Variants in AP5S1 observed in about 807,000 individuals in gnomAD.
The protein encoded by AP5S1 is adaptor related protein complex 5 subunit sigma 1.
In AP5S1, 13 loss-of-function variants were observed where a neutral mutation model predicts 13.9. The ratio of observed to expected loss-of-function variants is 0.94; its 90% confidence interval spans 0.61 to 1.49. The LOEUF is 1.49. Among genes scored for constraint, AP5S1 ranks in the 40% most tolerant of loss-of-function variants. The pLI is 0.00. For synonymous variants in AP5S1, 132 were observed against 121.8 expected (o/e 1.08, Z -0.55); for missense variants, 292 against 272.3 (o/e 1.07, Z -0.51).
In AP5S1 at chr20:3,826,854, C is replaced by G. The variant is rs953172314; in HGVS notation, c.*2557C>G. 2 of 152,248 alleles carry G rather than the reference C, an allele frequency of 1.3e-5. No homozygotes were observed. The highest frequency in any genetic ancestry group is 2.9e-5 in the Non-Finnish European group (2 of 68,098). 9.4% of individuals were successfully genotyped at this position (152,248 alleles called of 1,614,324 possible). On this transcript the variant is annotated 3_prime_UTR_variant, in exon 3 of 3. Transcript: ENST00000615891. Reference sequence around the variant, plus strand: ...GTGCAATGCAGGATACAGAATGACCCCAAAGTTCCAGGAGAGACAGAGCTA... The same window carrying G: ...GTGCAATGCAGGATACAGAATGACCGCAAAGTTCCAGGAGAGACAGAGCTA...
Position 3,823,379 on chromosome 20 carries a change from G to A in AP5S1, c.177-492G>A, listed in dbSNP as rs187543831. Among the ~76,000 whole-genome samples the A allele has an allele frequency of 3.0e-4, 46 of 152,276 alleles. 1 individual carries two copies. The East Asian group carries it at 8.9e-3, about 29-fold the overall frequency. On this transcript the variant is annotated intron_variant, in intron 2 of 2. Transcript: ENST00000615891. ...TTCTCCTGCCTCAGCCTCCCGAGTA[G>A]CTGGGACTACAGGCGCCCGCCACCA... is the stretch of plus-strand genomic sequence containing the variant.
intron 2 of AP5S1, among the ~76,000 whole-genome samples, chr20:3,823,104 G>C (rs572859882): frequency 1.2e-4 from 19 of 152,328 alleles, no homozygotes; most frequent in Non-Finnish European, 2.1e-4. Context: ...GCTCAGACTG[G>C]AAGGTGATTC....
Position 3,825,297 on chromosome 20 carries a change from A to AT in AP5S1, c.*1004dup, listed in dbSNP as rs1314065773. 1.3e-5 allele frequency: 2 copies of AT among 152,194 alleles called. No homozygotes were observed. Among genetic ancestry groups the AT allele is most frequent in the Non-Finnish European group, 2.9e-5 (2 of 68,060 alleles). The allele number at this position is 152,194 out of a possible 1,614,324, so 9.4% of individuals were successfully genotyped here. On this transcript the variant is annotated 3_prime_UTR_variant, in exon 3 of 3. Transcript: ENST00000615891. ...TTGAATTAAAAGCACTGGCTGTGTG[A>AT]TTTTACCCTCTTTCTGTGAGTTTGA...
At position 3,828,457 on chromosome 20, in the gene AP5S1, A is replaced by G. The variant is rs1383651057; in HGVS notation, c.*4160A>G. 2 of 152,222 alleles carry G rather than the reference A, an allele frequency of 1.3e-5. No homozygotes were observed. The highest frequency in any genetic ancestry group is 2.4e-5 in the African/African-American group (1 of 41,456). 9.4% of individuals were successfully genotyped at this position (152,222 alleles called of 1,614,324 possible). On this transcript the variant is annotated 3_prime_UTR_variant, in exon 3 of 3. Transcript: ENST00000615891. ...TAGGTTTGGATGTATTTTCAGTGAC[A>G]TGCATCTACCATTATAGTATCATAC...
chr20:3,823,715 G>A (rs747823743), intron 2 of AP5S1, 156 bp from the exon 3 acceptor site: 8 of 985,280 alleles, frequency 8.1e-6, no homozygotes, highest in Non-Finnish European at 9.6e-6. Context: ...CACACTTCCT[G>A]ATTCTGTGGC....
At position 3,827,838 on chromosome 20, in the gene AP5S1, T is replaced by G. The variant is rs1372220266; in HGVS notation, c.*3541T>G. 2 of 150,994 alleles carry G rather than the reference T, an allele frequency of 1.3e-5. No homozygotes were observed. Among genetic ancestry groups the G allele is most frequent in the Admixed American group, 6.6e-5 (1 of 15,112 alleles). The allele number at this position is 150,994 out of a possible 1,614,324, so 9.4% of individuals were successfully genotyped here. On this transcript the variant is annotated 3_prime_UTR_variant, in exon 3 of 3. Transcript: ENST00000615891. ...GTGCAGTGGTGCAATCTTGGCTCACTGCAACCTCTGCCTCCTGGGTTCAAG... is the reference window on the plus strand; with the variant it reads ...GTGCAGTGGTGCAATCTTGGCTCACGGCAACCTCTGCCTCCTGGGTTCAAG...
chr20:3,826,839 G>T lies in AP5S1; in HGVS notation c.*2542G>T. The stretch of plus-strand genomic sequence containing the variant: ...CTGATGCTCTGCTGGGTGCAATGCA[G>T]GATACAGAATGACCCCAAAGTTCCA... On this transcript the variant is annotated 3_prime_UTR_variant, in exon 3 of 3. Transcript: ENST00000615891. 6.6e-6 allele frequency: 1 copy of T among 152,396 alleles called. No homozygotes were observed. Among genetic ancestry groups the T allele is most frequent in the Non-Finnish European group, 1.5e-5 (1 of 68,098 alleles). The allele number at this position is 152,396 out of a possible 1,614,324, so 9.4% of individuals were successfully genotyped here.
rs370332217 is a variant in AP5S1 at position 3,827,987 on chromosome 20, C to T, written c.*3690C>T. The stretch of plus-strand genomic sequence containing the variant: ...GTGTTGGCCAGGCTGGTCTCGAACT[C>T]CTTACCTCAGGTGATCCACCCATAT... On this transcript the variant is annotated 3_prime_UTR_variant, in exon 3 of 3. Transcript: ENST00000615891. 1.3e-5 allele frequency: 2 copies of T among 152,064 alleles called. No individual in the cohort carries two copies. Among genetic ancestry groups the T allele is most frequent in the Non-Finnish European group, 2.9e-5 (2 of 68,042 alleles). 9.4% of individuals were successfully genotyped at this position (152,064 alleles called of 1,614,324 possible).
rs1349886191 is a variant in AP5S1 at position 3,824,608 on chromosome 20, C to CA, written c.*311_*312insA. On this transcript the variant is annotated 3_prime_UTR_variant, in exon 3 of 3. Transcript: ENST00000615891. ...CAGCCGATAGTGCTAGGGTGAGGAG[C>CA]TGCCTGGAGCTCACCCCGCTCTTCT... is the stretch of plus-strand genomic sequence containing the variant. 7 of 369,608 alleles carry CA rather than the reference C, an allele frequency of 1.9e-5. No individual in the cohort carries two copies. The highest frequency in any genetic ancestry group is 1.2e-4 in the African/African-American group (6 of 48,496). The allele number at this position is 369,608 out of a possible 1,614,324, so 22.9% of individuals were successfully genotyped here.
At chr20:3,821,618 A>C (rs1395837218) in intron 1 of AP5S1, among the ~76,000 whole-genome samples, 2 of 152,030 alleles carry the variant, frequency 1.3e-5, no homozygotes, top group Non-Finnish European at 2.9e-5. Flanking sequence ...CCGCCCACCT[A>C]GACCTCCCAA....
rs6052099 is a variant in AP5S1 at position 3,823,497 on chromosome 20, C to T, written c.177-374C>T. On this transcript the variant is annotated intron_variant, in intron 2 of 2. Coordinates refer to ENST00000615891, the MANE Select transcript of AP5S1 (RefSeq NM_018347.3). Reference sequence around the variant, plus strand: ...CGATCTCCTGACCTCGTGATCCGCCCGCCTCGGCCTCCCAAAGTGCTGGGA... The same window carrying T: ...CGATCTCCTGACCTCGTGATCCGCCTGCCTCGGCCTCCCAAAGTGCTGGGA... 0.015 allele frequency: 14,931 copies of T among 968,004 alleles called. 1,660 individuals are homozygous for T. In the African/African-American group the frequency reaches 0.24, roughly 15 times the overall value. The allele number at this position is 968,004 out of a possible 1,614,324, so 60.0% of individuals were successfully genotyped here. A position where few individuals can be genotyped will look rare whatever the true frequency, so the allele number is the denominator to read the frequency against.
At chr20:3,821,600 C>T (rs1308702255) in intron 1 of AP5S1, among the ~76,000 whole-genome samples, 1 of 152,126 alleles carries the variant, frequency 6.6e-6, no homozygotes, top group Non-Finnish European at 1.5e-5. Context: ...CTCCTGACCT[C>T]AAGTGATCCG....
chr20:3,821,943 T>G (rs918903732), intron 1 of AP5S1, 159 bp from the exon 2 acceptor site: 1 of 984,406 alleles, frequency 1.0e-6, no homozygotes, highest in African/African-American at 1.8e-5. Flanking sequence ...TATCACTGGA[T>G]TCTGTTATGT....
intron 2 of AP5S1, chr20:3,823,465 A>T (rs1025614927): frequency 2.5e-6 from 2 of 810,268 alleles, no homozygotes; most frequent in African/African-American, 1.9e-5. Flanking sequence ...GTTAGCCAGG[A>T]TGGTCTCGAT....
chr20:3,825,707 G>A lies in AP5S1; in HGVS notation c.*1410G>A, dbSNP rs1250243439. On this transcript the variant is annotated 3_prime_UTR_variant, in exon 3 of 3. Transcript: ENST00000615891. ...CTCTAGGGGGCTGCACACAGCAGTT[G>A]CCTCTGAATTACCTCACCTGAGAGG... The A allele has an allele frequency of 6.6e-6, 1 of 152,194 alleles. No homozygotes were observed. Among genetic ancestry groups the A allele is most frequent in the African/African-American group, 2.4e-5 (1 of 41,426 alleles). 9.4% of individuals were successfully genotyped at this position (152,194 alleles called of 1,614,324 possible).
Position 3,825,662 on chromosome 20 carries a change from T to A in AP5S1, c.*1365T>A, listed in dbSNP as rs1408839030. 1 of 152,100 alleles carries A rather than the reference T, an allele frequency of 6.6e-6. No homozygotes were observed. Among genetic ancestry groups the A allele is most frequent in the African/African-American group, 2.4e-5 (1 of 41,412 alleles). The allele number at this position is 152,100 out of a possible 1,614,324, so 9.4% of individuals were successfully genotyped here. ...GAATGCTTGTCAAGCCTATTAGGAC[T>A]GTGGTAGGGAGCTGAGTGCCTCTAG... On this transcript the variant is annotated 3_prime_UTR_variant, in exon 3 of 3. Transcript: ENST00000615891.
At chr20:3,821,859 T>G (rs2089584238) in intron 1 of AP5S1, 1 of 944,330 alleles carries the variant, frequency 1.1e-6, no homozygotes, top group Non-Finnish European at 1.3e-6. Flanking sequence ...TTTTGTTTGT[T>G]TGTTTGTTTT....
Position 3,827,766 on chromosome 20 carries a change from T to TC in AP5S1, c.*3469_*3470insC, listed in dbSNP as rs966739913. The TC allele has an allele frequency of 2.0e-5, 3 of 149,412 alleles. No individual in the cohort carries two copies. Among genetic ancestry groups the TC allele is most frequent in the African/African-American group, 7.3e-5 (3 of 40,842 alleles). The allele number at this position is 149,412 out of a possible 1,614,324, so 9.3% of individuals were successfully genotyped here. On this transcript the variant is annotated 3_prime_UTR_variant, in exon 3 of 3. Transcript: ENST00000615891. ...CTCAATGTTTTCTTTTCTTTTTCTT[T>TC]TTTTTTTTTTTTTGAGATGGAGTCT... is the stretch of plus-strand genomic sequence containing the variant.
At chr20:3,821,724 A>G (rs2089582967) in intron 1 of AP5S1, 2 of 176,322 alleles carry the variant, frequency 1.1e-5, no homozygotes, top group African/African-American at 4.8e-5. Flanking sequence ...GCATTCAGCT[A>G]TCTGGTCTCT....
Sources: gnomAD v4.1 joint callset for allele counts (sites outside exome capture counted in the v4.1 genomes callset) on GRCh38, gnomAD v4.1.1 for gene constraint, MANE v1.5 for transcripts, NCBI Gene and HGNC (gene_info 2026-07-23, HGNC 2026-07-21) for gene names.